Variants in PSD3 observed in about 807,000 individuals in gnomAD.
PSD3 encodes PH and SEC7 domain-containing protein 3.
In PSD3, 49 loss-of-function variants were observed where a neutral mutation model predicts 105.5. The observed-to-expected ratio is 0.46, with a 90% CI of 0.37 to 0.59. The LOEUF is 0.59. Among genes scored for constraint, PSD3 ranks in the 20% least tolerant of loss-of-function variants. The pLI, the probability that PSD3 is intolerant of heterozygous loss-of-function variation, is 0.00. For missense variants in PSD3, 1,561 were observed against 1,263.8 expected (o/e 1.24, Z -3.57); for synonymous variants, 557 against 457.8 (o/e 1.22, Z -2.77).
At chr8:18,824,508 G>C (rs1813018683) in intron 4 of PSD3, among the ~76,000 whole-genome samples, 1 of 152,126 alleles carries the variant, frequency 6.6e-6, no homozygotes, top group African/African-American at 2.4e-5. Context: ...AACAAAATCA[G>C]TAACTCAAAA....
intron 1 of PSD3, among the ~76,000 whole-genome samples, chr8:18,944,798 T>G (rs911826497): frequency 6.6e-5 from 10 of 152,188 alleles, no homozygotes; most frequent in Non-Finnish European, 1.2e-4. Context: ...AATTGCCCAG[T>G]TGGGACTGAC....
At chr8:19,039,819 G>T (rs1230536739) in intron 1 of PSD3, among the ~76,000 whole-genome samples, 1 of 152,184 alleles carries the variant, frequency 6.6e-6, no homozygotes, top group South Asian at 2.1e-4. Context: ...AAATAGTGGA[G>T]AATGAAGGAG....
chr8:18,983,260 C>T (rs1586575399), intron 1 of PSD3, among the ~76,000 whole-genome samples: 1 of 152,210 alleles, frequency 6.6e-6, no homozygotes, highest in Non-Finnish European at 1.5e-5. Flanking sequence ...TTTTGTTTTA[C>T]GTGAATGTTG....
At chr8:18,556,394 C>G (rs780989999) in intron 14 of PSD3, 42 bp from the exon 15 acceptor site, 4 of 1,331,722 alleles carry the variant, frequency 3.0e-6, no homozygotes, top group Admixed American at 1.9e-5. Context: ...AAAAAAAAAA[C>G]AAGTCAATAA....
At chr8:18,786,610 T>C (rs1809185057) in intron 8 of PSD3, among the ~76,000 whole-genome samples, 1 of 152,236 alleles carries the variant, frequency 6.6e-6, no homozygotes. Flanking sequence ...GATGGATATA[T>C]AGATTCAGAC....
chr8:19,057,497 T>A (rs1828748788), intron 1 of PSD3, among the ~76,000 whole-genome samples: 1 of 152,196 alleles, frequency 6.6e-6, no homozygotes, highest in Non-Finnish European at 1.5e-5. Flanking sequence ...CATTCAATGA[T>A]CTCTACTAGT....
intron 8 of PSD3, among the ~76,000 whole-genome samples, chr8:18,797,630 T>C (rs1464828359): frequency 6.6e-6 from 1 of 152,164 alleles, no homozygotes; most frequent in Non-Finnish European, 1.5e-5. Context: ...GTTCTTATGA[T>C]TCAGATACAT....
intron 12 of PSD3, among the ~76,000 whole-genome samples, chr8:18,594,139 T>TATATATTATATAATATAATTATATAC (rs1563358143): frequency 3.2e-5 from 1 of 30,830 alleles, no homozygotes; most frequent in Non-Finnish European, 7.6e-5. Context: ...ATATTATATA[T>TATATATTATATAATATAATTATATAC]ATATTATATA....
Position 18,644,583 on chromosome 8 carries a change from G to C in PSD3, c.2216+11059C>G, listed in dbSNP as rs116392879. ...TAACATTCTAATTATGATCACTTAA[G>C]TAATGTCTAAGAAGTCCCAGATGGT... On this transcript the variant is annotated intron_variant, in intron 10 of 15. Transcript: ENST00000327040. Among the ~76,000 whole-genome samples the C allele has an allele frequency of 6.0e-3, 918 of 152,236 alleles. 4 individuals are homozygous for C. The highest frequency in any genetic ancestry group is 0.021 in the African/African-American group (887 of 41,532).
At chr8:18,614,343 C>G (rs1224971576) in intron 11 of PSD3, among the ~76,000 whole-genome samples, 1 of 150,150 alleles carries the variant, frequency 6.7e-6, no homozygotes, top group Admixed American at 6.6e-5. Context: ...TCCCCCATCC[C>G]CCCCCCAAAA....
chr8:18,652,898 G>A (rs1808618181), intron 10 of PSD3, among the ~76,000 whole-genome samples: 1 of 152,154 alleles, frequency 6.6e-6, no homozygotes, highest in South Asian at 2.1e-4. Flanking sequence ...ATGTTAAAAG[G>A]TGCTTTAAGA....
At chr8:18,547,180 C>T (rs528302285) in intron 15 of PSD3, among the ~76,000 whole-genome samples, 1 of 152,276 alleles carries the variant, frequency 6.6e-6, no homozygotes, top group South Asian at 2.1e-4. Context: ...TGGTGGCACA[C>T]AGAGGCTACC....
chr8:18,542,492 T>C (rs1350253263), intron 15 of PSD3, among the ~76,000 whole-genome samples: 2 of 152,242 alleles, frequency 1.3e-5, no homozygotes, highest in African/African-American at 2.4e-5. Flanking sequence ...TTCGCTTTGA[T>C]AATTTTTTAT....
chr8:18,653,127 C>G (rs1808636474), intron 10 of PSD3, among the ~76,000 whole-genome samples: 1 of 152,128 alleles, frequency 6.6e-6, no homozygotes, highest in African/African-American at 2.4e-5. Context: ...TGTTTTATAT[C>G]TGCTTGATAG....
chr8:18,899,553 T>C (rs1394101453), intron 2 of PSD3, among the ~76,000 whole-genome samples: 1 of 152,102 alleles, frequency 6.6e-6, no homozygotes, highest in East Asian at 1.9e-4. Context: ...ATGGTCCTTA[T>C]GACCCCCTGA....
intron 1 of PSD3, among the ~76,000 whole-genome samples, chr8:18,987,327 G>A (rs933462302): frequency 2.7e-5 from 4 of 146,830 alleles, no homozygotes; most frequent in African/African-American, 7.6e-5. Context: ...TCGCACTTTC[G>A]CCCAGGCTAG....
chr8:18,797,836 C>G (rs1412962528), intron 8 of PSD3, among the ~76,000 whole-genome samples: 1 of 152,110 alleles, frequency 6.6e-6, no homozygotes, highest in Non-Finnish European at 1.5e-5. Flanking sequence ...ACGTACAACT[C>G]TTTTATGTTG....
At chr8:18,629,703 G>A (rs1806756860) in intron 11 of PSD3, among the ~76,000 whole-genome samples, 2 of 151,922 alleles carry the variant, frequency 1.3e-5, no homozygotes, top group Non-Finnish European at 2.9e-5. Context: ...CATAGGATGG[G>A]AGTAATACGA....
chr8:18,661,125 G>A (rs1809315458), intron 9 of PSD3, among the ~76,000 whole-genome samples: 2 of 152,054 alleles, frequency 1.3e-5, no homozygotes, highest in Non-Finnish European at 2.9e-5. Flanking sequence ...ATTTTGCACA[G>A]TTGATGGAAT....
Sources: allele counts gnomAD v4.1 joint callset (sites outside exome capture counted in the v4.1 genomes callset), GRCh38; gene constraint gnomAD v4.1.1; transcripts MANE v1.5; gene names NCBI Gene and HGNC (gene_info 2026-07-23, HGNC 2026-07-21).